ARHGAP32: variants seen among roughly 807,000 people sequenced by gnomAD.
ARHGAP32 encodes Rho GTPase activating protein 32.
ARHGAP32 carries 51 observed loss-of-function variants against 186.5 expected under a neutral mutation model. The ratio of observed to expected loss-of-function variants is 0.27; its 90% CI spans 0.22 to 0.35. The LOEUF is 0.35. Among genes scored for constraint, ARHGAP32 ranks in the 10% least tolerant of loss-of-function variants. The pLI is 1.00. For missense variants in ARHGAP32, 2,186 were observed against 2,623.5 expected (o/e 0.83, Z 3.64); for synonymous variants, 950 against 964.3 (o/e 0.99, Z 0.27).
chr11:129,172,851 T>C (rs1943797199), intron 1 of ARHGAP32, among the ~76,000 whole-genome samples: 1 of 151,414 alleles, frequency 6.6e-6, no homozygotes, highest in African/African-American at 2.4e-5. Flanking sequence ...GCAAGAAAGA[T>C]CTCAAATGGA....
At chr11:129,046,359 T>C (rs1487262646) in intron 10 of ARHGAP32, among the ~76,000 whole-genome samples, 2 of 152,188 alleles carry the variant, frequency 1.3e-5, no homozygotes, top group Non-Finnish European at 2.9e-5. Context: ...TTTTTAATAA[T>C]GGCTGTTTTT....
intron 1 of ARHGAP32, among the ~76,000 whole-genome samples, chr11:129,174,036 C>A (rs1301476172): frequency 1.3e-5 from 2 of 152,222 alleles, no homozygotes; most frequent in Non-Finnish European, 2.9e-5. Flanking sequence ...GTACCAGGTT[C>A]ATCTCACTAG....
chr11:129,161,925 A>T (rs1274133356), intron 2 of ARHGAP32, among the ~76,000 whole-genome samples: 2 of 152,266 alleles, frequency 1.3e-5, no homozygotes, highest in African/African-American at 2.4e-5. Context: ...GACTGGATAA[A>T]GAAAATGTGG....
At chr11:129,170,136 C>T (rs1226664544) in intron 1 of ARHGAP32, among the ~76,000 whole-genome samples, 1 of 149,840 alleles carries the variant, frequency 6.7e-6, no homozygotes, top group Non-Finnish European at 1.5e-5. Context: ...GTTCTAAAAT[C>T]AAGCCCTATA....
chr11:129,143,074 T>TGC (rs780071077), intron 2 of ARHGAP32, among the ~76,000 whole-genome samples: 79 of 147,124 alleles, frequency 5.4e-4, no homozygotes, highest in Non-Finnish European at 1.0e-3. Context: ...TAAAACTGCA[T>TGC]ATATATATAT....
At chr11:129,105,185 T>C (rs1012957106) in intron 5 of ARHGAP32, among the ~76,000 whole-genome samples, 22 of 152,090 alleles carry the variant, frequency 1.4e-4, no homozygotes, top group Admixed American at 1.3e-3. Flanking sequence ...AGACATAAAG[T>C]AAACAACCTA....
chr11:129,219,574 C>T (rs1944687539), intron 1 of ARHGAP32, among the ~76,000 whole-genome samples: 1 of 152,182 alleles, frequency 6.6e-6, no homozygotes, highest in Non-Finnish European at 1.5e-5. Flanking sequence ...GCAAAAATCA[C>T]ACTGTCTGGC....
intron 5 of ARHGAP32, among the ~76,000 whole-genome samples, chr11:129,119,808 A>C (rs1942473776): frequency 6.6e-6 from 1 of 151,988 alleles, no homozygotes; most frequent in African/African-American, 2.4e-5. Flanking sequence ...ATTTTAAGTA[A>C]AGGAAACAAA....
chr11:129,044,378 T>C (rs1158929882), intron 10 of ARHGAP32, among the ~76,000 whole-genome samples: 1 of 152,196 alleles, frequency 6.6e-6, no homozygotes, highest in African/African-American at 2.4e-5. Flanking sequence ...TCTAAAGCTT[T>C]AACCCATTTA....
At chr11:129,139,827 T>C (rs1943013903) in intron 2 of ARHGAP32, among the ~76,000 whole-genome samples, 1 of 152,160 alleles carries the variant, frequency 6.6e-6, no homozygotes, top group South Asian at 2.1e-4. Flanking sequence ...AACAAACTAA[T>C]ATATCAATGT....
chr11:129,096,519 A>ACC (rs1166417668), intron 5 of ARHGAP32, among the ~76,000 whole-genome samples: 3 of 147,988 alleles, frequency 2.0e-5, no homozygotes, highest in African/African-American at 5.0e-5. Flanking sequence ...AGCTCCCTAT[A>ACC]CCCCCCCGGC....
At chr11:129,125,875 T>A (rs764442586) in intron 2 of ARHGAP32, 4 of 443,924 alleles carry the variant, frequency 9.0e-6, no homozygotes, top group South Asian at 1.6e-5. Context: ...ATATTTTTAC[T>A]CCTTCTTAGA....
intron 1 of ARHGAP32, among the ~76,000 whole-genome samples, chr11:129,215,416 C>T (rs1944633203): frequency 6.6e-6 from 1 of 152,112 alleles, no homozygotes; most frequent in Non-Finnish European, 1.5e-5. Context: ...TGTAACAAGT[C>T]ACTCCAAATT....
At chr11:129,241,580 G>A (rs1180309759) in intron 1 of ARHGAP32, among the ~76,000 whole-genome samples, 1 of 152,164 alleles carries the variant, frequency 6.6e-6, no homozygotes, top group African/African-American at 2.4e-5. Flanking sequence ...AGAAGGTCAA[G>A]GCTGCAGTGA....
intron 11 of ARHGAP32, among the ~76,000 whole-genome samples, chr11:129,014,536 C>G (rs188086762): frequency 6.6e-6 from 1 of 152,246 alleles, no homozygotes; most frequent in African/African-American, 2.4e-5. Flanking sequence ...TGGTCTGTCC[C>G]AAGATAATGG....
chr11:129,110,412 T>C (rs1942175566), intron 5 of ARHGAP32, among the ~76,000 whole-genome samples: 1 of 152,206 alleles, frequency 6.6e-6, no homozygotes, highest in Non-Finnish European at 1.5e-5. Flanking sequence ...AGGATTTCAT[T>C]GGCTATTCAG....
intron 12 of ARHGAP32, among the ~76,000 whole-genome samples, chr11:128,990,818 C>A (rs1946026125): frequency 6.6e-6 from 1 of 152,062 alleles, no homozygotes; most frequent in African/African-American, 2.4e-5. Flanking sequence ...TCTTCTGCTT[C>A]AAAGGGAATG....
intron 11 of ARHGAP32, among the ~76,000 whole-genome samples, chr11:129,009,467 A>G (rs533834167): frequency 6.6e-6 from 1 of 152,152 alleles, no homozygotes; most frequent in Non-Finnish European, 1.5e-5. Context: ...TCCATTAACT[A>G]TTCTTCCTGA....
intron 6 of ARHGAP32, among the ~76,000 whole-genome samples, chr11:129,092,482 A>G (rs1941607462): frequency 6.6e-6 from 1 of 151,946 alleles, no homozygotes; most frequent in Non-Finnish European, 1.5e-5. Flanking sequence ...AACTCACCAA[A>G]TGGAAGCATT....
Sources: allele counts gnomAD v4.1 joint callset (sites outside exome capture counted in the v4.1 genomes callset), GRCh38; gene constraint gnomAD v4.1.1; transcripts MANE v1.5; gene names NCBI Gene and HGNC (gene_info 2026-07-23, HGNC 2026-07-21).